The following TMEM181 variants were observed in gnomAD, a reference collection of about 807,000 sequenced individuals.
TMEM181 encodes G protein-coupled receptor 178.
TMEM181 carries 39 observed loss-of-function variants against 71.9 expected under a neutral mutation model. The observed-to-expected ratio is 0.54, with a 90% CI of 0.42 to 0.71. The LOEUF is 0.71. TMEM181 is among the 30% of genes least tolerant of loss of function. TMEM181 has a pLI of 0.00. For missense variants in TMEM181, 595 were observed against 583.0 expected, an observed-to-expected ratio of 1.02 and a Z score of -0.21; for synonymous variants, 245 against 228.8, an observed-to-expected ratio of 1.07 and a Z score of -0.64.
chr6:158,543,689 AG>A (rs1375984840), intron 1 of TMEM181, among the ~76,000 whole-genome samples: 1 of 152,158 alleles, frequency 6.6e-6, no homozygotes, highest in Admixed American at 6.5e-5. Context: ...CCTTTTTATA[AG>A]GACATCAGTC....
At chr6:158,575,835 G>A (rs1783123909) in intron 2 of TMEM181, among the ~76,000 whole-genome samples, 1 of 152,182 alleles carries the variant, frequency 6.6e-6, no homozygotes, top group South Asian at 2.1e-4. Flanking sequence ...TTGAGTGGAG[G>A]ATTGTTGGCA....
chr6:158,623,569 C>A lies in TMEM181; in HGVS notation c.916C>A (p.Pro306Thr). 6.3e-7 allele frequency: 1 copy of A among 1,576,660 alleles called. No individual in the cohort carries two copies. The highest frequency in any genetic ancestry group is 1.2e-5 in the South Asian group (1 of 82,826). The change falls in exon 11 of 17, where the codon CCA (proline) becomes ACA (threonine). Residue 306 changes from proline to threonine, a missense_variant. Coordinates refer to ENST00000684151, the MANE Select transcript of TMEM181 (RefSeq NM_001376852.1). ...IWQTVNELHD[P>T]MYQYRVDTGN... is the part of the protein sequence containing the mutation. The stretch of plus-strand genomic sequence containing the variant: ...TTTTAGAGTTAACGAATTACATGAT[C>A]CAATGTACCAGTATCGAGTTGATAC...
At chr6:158,554,768 G>C (rs547882776) in intron 1 of TMEM181, among the ~76,000 whole-genome samples, 3 of 152,226 alleles carry the variant, frequency 2.0e-5, no homozygotes, top group South Asian at 2.1e-4. Flanking sequence ...TCCACACACA[G>C]AAATATCTTA....
At position 158,631,442 on chromosome 6, in the gene TMEM181, C is replaced by T. The variant is rs1267863025; in HGVS notation, c.1349+53C>T. On this transcript the variant is annotated intron_variant, in intron 16 of 16. Coordinates refer to ENST00000684151, the MANE Select transcript of TMEM181 (RefSeq NM_001376852.1). ...CACACCTTGGGCATCCCGGCACGGC[C>T]TTGCATGTTTCTGAATGGGTTACTC... is the stretch of plus-strand genomic sequence containing the variant. The T allele has an allele frequency of 2.5e-6, 4 of 1,571,422 alleles. No individual in the cohort carries two copies. In the Admixed American group the frequency reaches 6.7e-5, roughly 26 times the overall value.
chr6:158,551,946 T>C (rs750333166), intron 1 of TMEM181, among the ~76,000 whole-genome samples: 6 of 152,198 alleles, frequency 3.9e-5, no homozygotes, highest in Non-Finnish European at 7.3e-5. Context: ...AAGTTAATTT[T>C]AGGTCAAAAG....
chr6:158,573,649 T>A (rs1216173486), intron 2 of TMEM181, 126 bp downstream of exon 2: 9 of 777,624 alleles, frequency 1.2e-5, no homozygotes, highest in Non-Finnish European at 1.3e-5. Flanking sequence ...GGGAGAAGTG[T>A]CCACAGGGTG....
Position 158,599,809 on chromosome 6 carries a change from C to G in TMEM181, c.493-5458C>G, listed in dbSNP as rs150016748. Reference sequence around the variant, plus strand: ...TTCCTGCAGCTTGCTTGGGAAAACTCAGCCTTTCAGGCCCTTGGCACAAAC... The same window carrying G: ...TTCCTGCAGCTTGCTTGGGAAAACTGAGCCTTTCAGGCCCTTGGCACAAAC... On this transcript the variant is annotated intron_variant, in intron 6 of 16. Transcript: ENST00000684151. 5.0e-3 allele frequency among the ~76,000 whole-genome samples: 761 copies of G among 152,386 alleles called. 5 individuals are homozygous for G. Among genetic ancestry groups the G allele is most frequent in the African/African-American group, 0.017 (692 of 41,594 alleles).
rs2128335757 is a variant in TMEM181 at position 158,634,784 on chromosome 6, C to T, written c.*2896C>T. On this transcript the variant is annotated 3_prime_UTR_variant, in exon 17 of 17. Coordinates refer to ENST00000684151, the MANE Select transcript of TMEM181 (RefSeq NM_001376852.1). ...CCCACTAAATGAGCAGGTTACAAGACAAATGTCACCAGCCTCAAGTATTTT... is the reference window on the plus strand; with the variant it reads ...CCCACTAAATGAGCAGGTTACAAGATAAATGTCACCAGCCTCAAGTATTTT... 6.6e-6 allele frequency: 1 copy of T among 152,140 alleles called. No individual in the cohort carries two copies. Among genetic ancestry groups the T allele is most frequent in the Non-Finnish European group, 1.5e-5 (1 of 67,976 alleles). 9.4% of individuals were successfully genotyped at this position (152,140 alleles called of 1,614,324 possible). A position where few individuals can be genotyped will look rare whatever the true frequency, so the allele number is the denominator to read the frequency against.
intron 1 of TMEM181, chr6:158,572,447 G>C (rs1489479549): frequency 1.1e-5 from 5 of 456,652 alleles, no homozygotes; most frequent in Non-Finnish European, 2.2e-5. Flanking sequence ...GAGCAAAACA[G>C]ACAGCGCCGC....
intron 1 of TMEM181, chr6:158,536,920 C>T: frequency 8.2e-7 from 1 of 1,218,388 alleles, no homozygotes; most frequent in Non-Finnish European, 1.0e-6. Context: ...GCCGCAGTCC[C>T]CTCCGGGACC....
Position 158,631,854 on chromosome 6 carries a change from G to A in TMEM181, c.1394G>A (p.Arg465Gln), listed in dbSNP as rs190592782. The A allele has an allele frequency of 2.9e-5, 46 of 1,599,246 alleles. No homozygotes were observed. The highest frequency in any genetic ancestry group is 2.7e-5 in the African/African-American group (2 of 74,784). ...EMPLQNGQAI[R>Q]AKYKEESDSD ...CCGCTGCAGAACGGCCAGGCCATCC[G>A]GGCCAAGTACAAGGAGGAGTCAGAT... Residue 465 changes from arginine to glutamine, a missense_variant, in exon 17 of 17, where the codon CGG becomes CAG. Arg to Gln is a conservative substitution (Grantham distance 43). Coordinates refer to ENST00000684151, the MANE Select transcript of TMEM181 (RefSeq NM_001376852.1).
At chr6:158,619,076 C>G (rs566958427) in intron 10 of TMEM181, among the ~76,000 whole-genome samples, 1 of 152,172 alleles carries the variant, frequency 6.6e-6, no homozygotes, top group East Asian at 1.9e-4. Context: ...GGGATAATAT[C>G]CTGAAGAGTG....
chr6:158,568,528 C>T (rs914469855), intron 1 of TMEM181, among the ~76,000 whole-genome samples: 5 of 152,108 alleles, frequency 3.3e-5, no homozygotes, highest in Non-Finnish European at 7.4e-5. Context: ...CCCCAGGGAC[C>T]CTCTCCTGTT....
At chr6:158,611,045 A>G (rs1785274541) in intron 10 of TMEM181, 3 of 455,340 alleles carry the variant, frequency 6.6e-6, no homozygotes, top group South Asian at 3.6e-5. Context: ...TTTCTAAATG[A>G]GAGAGTCATC....
At position 158,611,439 on chromosome 6, in the gene TMEM181, G is replaced by T. The variant is rs1453252798; in HGVS notation, c.896+2689G>T. 1.9e-5 allele frequency: 10 copies of T among 539,020 alleles called. No homozygotes were observed. In the East Asian group the frequency reaches 4.8e-4, roughly 26 times the overall value. 33.4% of individuals were successfully genotyped at this position (539,020 alleles called of 1,614,324 possible). On this transcript the variant is annotated intron_variant, in intron 10 of 16. Coordinates refer to ENST00000684151, the MANE Select transcript of TMEM181 (RefSeq NM_001376852.1). ...GGAGCCCTGATGTCGAAGTCTATCC[G>T]TCTTCCTTTTCTGGACCTTGTTGGG...
chr6:158,567,430 A>G (rs1287528853), intron 1 of TMEM181, among the ~76,000 whole-genome samples: 1 of 152,244 alleles, frequency 6.6e-6, no homozygotes, highest in Non-Finnish European at 1.5e-5. Flanking sequence ...CCACGTGCCA[A>G]GCCGTTCGCC....
At chr6:158,562,933 G>A (rs1252434196) in intron 1 of TMEM181, among the ~76,000 whole-genome samples, 1 of 152,188 alleles carries the variant, frequency 6.6e-6, no homozygotes. Flanking sequence ...AAAAAGACAA[G>A]TGAGTTTTTC....
intron 6 of TMEM181, among the ~76,000 whole-genome samples, chr6:158,590,527 G>A (rs958505485): frequency 6.6e-6 from 1 of 152,054 alleles, no homozygotes; most frequent in Non-Finnish European, 1.5e-5. Flanking sequence ...GCAGTGGCAC[G>A]ATCTCGGCTC....
Position 158,604,335 on chromosome 6 carries a change from C to T in TMEM181, c.493-932C>T, listed in dbSNP as rs541415483. Among the ~76,000 whole-genome samples, 452 of 151,264 alleles carry T rather than the reference C, an allele frequency of 3.0e-3. 2 individuals are homozygous for T. Among genetic ancestry groups the T allele is most frequent in the African/African-American group, 0.01 (428 of 41,292 alleles). On this transcript the variant is annotated intron_variant, in intron 6 of 16. Transcript: ENST00000684151. ...AATCATCCTTGTGCATGCGTGCATG[C>T]GTGTGTGTGTGTGTGTGCGTGATGT...
Sources: gnomAD v4.1 joint callset for allele counts (sites outside exome capture counted in the v4.1 genomes callset) on GRCh38, gnomAD v4.1.1 for gene constraint, MANE v1.5 for transcripts, NCBI Gene and HGNC (gene_info 2026-07-23, HGNC 2026-07-21) for gene names.